The following ADCY8 variants were observed in gnomAD, a reference collection of about 807,000 sequenced individuals.
ADCY8 encodes adenylate cyclase 8.
A neutral mutation model predicts 119.7 loss-of-function variants in ADCY8; 51 were observed. That is an observed-to-expected ratio of 0.43 (90% CI 0.34 to 0.54). The LOEUF is 0.54. ADCY8 is among the 20% of genes least tolerant of loss of function. ADCY8 has a pLI of 0.03. For synonymous variants in ADCY8, 665 were observed against 651.0 expected (o/e 1.02, Z -0.33); for missense variants, 1,383 against 1,598.8 (o/e 0.87, Z 2.30).
chr8:130,858,984 A>G (rs1817838971), intron 9 of ADCY8, among the ~76,000 whole-genome samples: 1 of 151,922 alleles, frequency 6.6e-6, no homozygotes, highest in Admixed American at 6.6e-5. Context: ...GCCCTACAAG[A>G]TCGCCAAGGC....
rs1817447913 is a variant in ADCY8, at chr8:130,849,592, G to C, written c.2412+10C>G. On this transcript the variant is annotated intron_variant, in intron 10 of 17. Coordinates refer to ENST00000286355, the MANE Select transcript of ADCY8 (RefSeq NM_001115.3). The stretch of plus-strand genomic sequence containing the variant: ...AGACACCAGAGGGTTGGTGGATGTG[G>C]GATGCTTACGATATTTAAGATGGCA... 1.2e-6 allele frequency: 2 copies of C among 1,613,574 alleles called. No homozygotes were observed. Among genetic ancestry groups the C allele is most frequent in the Non-Finnish European group, 1.7e-6 (2 of 1,179,620 alleles).
intron 2 of ADCY8, among the ~76,000 whole-genome samples, chr8:130,980,754 C>A (rs1822215259): frequency 6.6e-6 from 1 of 152,212 alleles, no homozygotes; most frequent in Non-Finnish European, 1.5e-5. Context: ...TAGTTCTCAG[C>A]CTCTGTCTCA....
intron 9 of ADCY8, among the ~76,000 whole-genome samples, chr8:130,852,663 C>T (rs1054303965): frequency 6.6e-6 from 1 of 152,152 alleles, no homozygotes; most frequent in Non-Finnish European, 1.5e-5. Context: ...ACATGGCCAC[C>T]ACTGCCTGTG....
chr8:130,849,289 A>T (rs753550735), intron 10 of ADCY8, among the ~76,000 whole-genome samples: 41 of 152,212 alleles, frequency 2.7e-4, no homozygotes, highest in Non-Finnish European at 4.9e-4. Context: ...GCAGGTAGGT[A>T]CTGGTACTTG....
chr8:130,998,363 G>A (rs1203409975), intron 1 of ADCY8, among the ~76,000 whole-genome samples: 3 of 152,146 alleles, frequency 2.0e-5, no homozygotes, highest in African/African-American at 7.2e-5. Context: ...GAGCATTCCA[G>A]GCACAGAAAA....
rs1586626948 is a variant in ADCY8, at chr8:130,980,737, G to A, written c.1110+9656C>T. On this transcript the variant is annotated intron_variant, in intron 2 of 17. Coordinates refer to ENST00000286355, the MANE Select transcript of ADCY8 (RefSeq NM_001115.3). Reference sequence around the variant, plus strand: ...CCTATGCCAGATTTCCTTTTGCTTTGACGGCATAGTTCTCAGCCTCTGTCT... The same window carrying A: ...CCTATGCCAGATTTCCTTTTGCTTTAACGGCATAGTTCTCAGCCTCTGTCT... 2.0e-5 allele frequency among the ~76,000 whole-genome samples: 3 copies of A among 152,198 alleles called. No individual in the cohort carries two copies. The East Asian group carries it at 5.8e-4, about 29-fold the overall frequency.
chr8:130,991,846 C>G (rs1460919678), intron 1 of ADCY8, among the ~76,000 whole-genome samples: 1 of 151,640 alleles, frequency 6.6e-6, no homozygotes, highest in East Asian at 1.9e-4. Flanking sequence ...ATGAAATTCA[C>G]TGAAAGTAAA....
At chr8:130,928,956 A>G (rs531710139) in intron 5 of ADCY8, among the ~76,000 whole-genome samples, 106 of 152,232 alleles carry the variant, frequency 7.0e-4, no homozygotes, top group African/African-American at 2.5e-3. Context: ...TTACTGACTC[A>G]ATCTCCTTAC....
chr8:130,844,701 T>C (rs1817245828), intron 11 of ADCY8, among the ~76,000 whole-genome samples: 1 of 152,192 alleles, frequency 6.6e-6, no homozygotes, highest in Non-Finnish European at 1.5e-5. Flanking sequence ...CACACACACA[T>C]ACATACATGT....
chr8:130,815,585 A>T (rs1162026215), intron 13 of ADCY8, among the ~76,000 whole-genome samples: 1 of 152,262 alleles, frequency 6.6e-6, no homozygotes, highest in Admixed American at 6.5e-5. Flanking sequence ...AAGATCACAC[A>T]TGAGTTAGTG....
chr8:130,846,114 A>G (rs907563665), intron 11 of ADCY8, among the ~76,000 whole-genome samples: 2 of 152,148 alleles, frequency 1.3e-5, no homozygotes, highest in Non-Finnish European at 2.9e-5. Flanking sequence ...TCTTAGGCCT[A>G]GAAGAGACTA....
intron 9 of ADCY8, among the ~76,000 whole-genome samples, chr8:130,854,283 G>A (rs578201898): frequency 1.6e-4 from 24 of 152,318 alleles, no homozygotes; most frequent in Non-Finnish European, 3.2e-4. Context: ...TTCTGAAATC[G>A]AGTCTCAAAA....
At chr8:130,996,754 T>C (rs1563760968) in intron 1 of ADCY8, among the ~76,000 whole-genome samples, 1 of 152,158 alleles carries the variant, frequency 6.6e-6, no homozygotes, top group Non-Finnish European at 1.5e-5. Context: ...AATACTGCTC[T>C]AATCTAAGCA....
intron 3 of ADCY8, chr8:130,949,646 A>G (rs1821214101): frequency 6.6e-6 from 1 of 152,184 alleles, no homozygotes; most frequent in African/African-American, 2.4e-5. Flanking sequence ...CTTCGTCTCA[A>G]ATAAAGCCAA....
intron 2 of ADCY8, among the ~76,000 whole-genome samples, chr8:130,975,413 C>T (rs4736465): frequency 0.15 from 22,993 of 152,124 alleles, 2,478 homozygotes; most frequent in African/African-American, 0.31. Context: ...TTAAATATGT[C>T]ACCATCCTGA....
intron 1 of ADCY8, among the ~76,000 whole-genome samples, chr8:131,031,592 G>A (rs111530322): frequency 0.014 from 2,098 of 152,116 alleles, 34 homozygotes; most frequent in African/African-American, 0.029. Context: ...AGATCCTGAG[G>A]GCTTTACCTT....
At chr8:130,909,945 T>A in intron 5 of ADCY8, 79 bp from the exon 6 acceptor site, 1 of 1,370,148 alleles carries the variant, frequency 7.3e-7, no homozygotes, top group East Asian at 2.4e-5. Flanking sequence ...CTTTTCTTTT[T>A]TTTTTTTTTT....
At chr8:130,874,860 C>G (rs981331034) in intron 8 of ADCY8, among the ~76,000 whole-genome samples, 1 of 152,116 alleles carries the variant, frequency 6.6e-6, no homozygotes, top group Non-Finnish European at 1.5e-5. Context: ...GTCCAGCCCC[C>G]CACCCACACC....
intron 3 of ADCY8, 73 bp downstream of exon 3, chr8:130,951,795 C>G (rs1020699481): frequency 1.3e-6 from 2 of 1,574,456 alleles, no homozygotes; most frequent in Non-Finnish European, 1.7e-6. Context: ...ACGGAAGTCA[C>G]GGAAGTGCAA....
Sources: allele counts gnomAD v4.1 joint callset (sites outside exome capture counted in the v4.1 genomes callset), GRCh38; gene constraint gnomAD v4.1.1; transcripts MANE v1.5; gene names NCBI Gene and HGNC (gene_info 2026-07-23, HGNC 2026-07-21).